SLC14A2: variants seen among roughly 807,000 people sequenced by gnomAD.
SLC14A2 encodes the protein solute carrier family 14 member 2, also known as urea transporter 2.
Under a neutral mutation model 104.6 loss-of-function variants are expected in SLC14A2, and 91 were observed. The ratio of observed to expected loss-of-function variants is 0.87; its 90% confidence interval spans 0.73 to 1.04. The LOEUF (loss-of-function observed/expected upper bound fraction) is 1.04. Among genes scored for constraint, SLC14A2 ranks in the 50% least tolerant of loss-of-function variants. The pLI, the probability that SLC14A2 is intolerant of heterozygous loss-of-function variation, is 0.00. For synonymous variants in SLC14A2, 476 were observed against 466.4 expected, an observed-to-expected ratio of 1.02 and a Z score of -0.27; for missense variants, 1,189 against 1,156.0, an observed-to-expected ratio of 1.03 and a Z score of -0.41.
intron 2 of SLC14A2, among the ~76,000 whole-genome samples, chr18:45,498,742 AAG>A (rs530968244): frequency 4.6e-5 from 7 of 152,114 alleles, no homozygotes; most frequent in African/African-American, 7.2e-5. Context: ...GAAAGAAAAA[AAG>A]AGAGAGAGAA....
intron 2 of SLC14A2, among the ~76,000 whole-genome samples, chr18:45,557,306 C>T (rs1167939356): frequency 6.6e-6 from 1 of 152,208 alleles, no homozygotes; most frequent in Non-Finnish European, 1.5e-5. Context: ...AATAGGTTCC[C>T]TCTAGTCCCT....
At chr18:45,200,553 G>C in the SLC14A2 span, among the ~76,000 whole-genome samples, 1 of 152,050 alleles carries the variant, frequency 6.6e-6, no homozygotes. Flanking sequence ...TTCTACCATA[G>C]AATTTGTTTT....
chr18:45,537,572 A>G (rs1411527191), intron 2 of SLC14A2, among the ~76,000 whole-genome samples: 4 of 152,220 alleles, frequency 2.6e-5, no homozygotes, highest in Non-Finnish European at 4.4e-5. Context: ...AGAGAGGAAC[A>G]GAAGACAGCT....
intron 1 of SLC14A2, among the ~76,000 whole-genome samples, chr18:45,381,801 C>A (rs1041467881): frequency 3.3e-5 from 5 of 152,074 alleles, no homozygotes; most frequent in Non-Finnish European, 7.4e-5. Context: ...CCACAGCCTG[C>A]AAATGAGACA....
rs1478320362 is a variant in SLC14A2 at position 45,673,701 on chromosome 18, C to T, written c.2396C>T (p.Pro799Leu). The change falls in exon 18 of 20, where the codon CCC becomes CTC. Residue 799 changes from proline to leucine, a missense_variant. Physicochemically the swap from Pro to Leu is moderately conservative, Grantham distance 98. Transcript: ENST00000255226. ...GMLAALTIAT[P>L]FDSIYFGLCG... ...GTCACAGCACTCACTATTGCGACGC[C>T]CTTTGACTCCATCTACTTCGGCCTG... The T allele has an allele frequency of 1.9e-6, 3 of 1,614,104 alleles. No individual in the cohort carries two copies. Among genetic ancestry groups the T allele is most frequent in the Non-Finnish European group, 1.7e-6 (2 of 1,179,978 alleles).
chr18:45,618,130 C>T (rs2045102730), intron 1 of SLC14A2, among the ~76,000 whole-genome samples: 1 of 152,102 alleles, frequency 6.6e-6, no homozygotes, highest in African/African-American at 2.4e-5. Context: ...ACCAACCTGC[C>T]TCATGGGAAA....
intron 1 of SLC14A2, among the ~76,000 whole-genome samples, chr18:45,369,429 G>C (rs906409129): frequency 6.6e-6 from 1 of 152,132 alleles, no homozygotes; most frequent in African/African-American, 2.4e-5. Context: ...AGGTTATTAG[G>C]AAAATGTAGG....
At chr18:45,667,380 GT>G (rs1227084675) in intron 13 of SLC14A2, among the ~76,000 whole-genome samples, 1 of 152,190 alleles carries the variant, frequency 6.6e-6, no homozygotes, top group Non-Finnish European at 1.5e-5. Flanking sequence ...GCAGACAGGT[GT>G]TTTTCGCATT....
At position 45,519,139 on chromosome 18, in the gene SLC14A2, A is replaced by G. The variant is rs191498545; in HGVS notation, c.-35+35817A>G. On this transcript the variant is annotated intron_variant, in intron 2 of 20. Coordinates refer to the SLC14A2 transcript ENST00000586448. ...AATCATTTTAAAAAATCCTCCAAAA[A>G]GCCAAGAGTAATACTAAGAAAATAA... Among the ~76,000 whole-genome samples the G allele has an allele frequency of 8.3e-4, 126 of 152,364 alleles. 1 individual carries two copies. Among genetic ancestry groups the G allele is most frequent in the African/African-American group, 2.9e-3 (119 of 41,588 alleles).
At chr18:45,341,595 CTTTTTTTTTTT>C (rs376534367) in intron 1 of SLC14A2, among the ~76,000 whole-genome samples, 1 of 83,154 alleles carries the variant, frequency 1.2e-5, no homozygotes, top group Non-Finnish European at 2.3e-5. Flanking sequence ...TCTAGTATTA[CTTTTTTTTTTT>C]TTTTTTTTTT....
At chr18:45,372,562 G>A (rs1327537282) in intron 1 of SLC14A2, among the ~76,000 whole-genome samples, 4 of 152,138 alleles carry the variant, frequency 2.6e-5, no homozygotes, top group Non-Finnish European at 5.9e-5. Context: ...ACACAGAGTC[G>A]CTGGTAGAGG....
At position 45,294,025 on chromosome 18, in the gene SLC14A2, C is replaced by T. The variant is rs73952840; in HGVS notation, c.-125+80834C>T. 4.9e-3 allele frequency among the ~76,000 whole-genome samples: 747 copies of T among 152,248 alleles called. 7 individuals carry two copies. Among genetic ancestry groups the T allele is most frequent in the Middle Eastern group, 0.017 (5 of 294 alleles). On this transcript the variant is annotated intron_variant, in intron 1 of 20. Coordinates refer to the SLC14A2 transcript ENST00000586448. ...TGGGTGGGATCAAGGGAAGAGTTCA[C>T]GGTATCCATCACTTTTGGGGAAAAA...
intron 2 of SLC14A2, chr18:45,528,382 TCA>T (rs2043629839): frequency 6.6e-6 from 1 of 152,070 alleles, no homozygotes; most frequent in East Asian, 1.9e-4. Flanking sequence ...AGAAAAAGAC[TCA>T]CTGACATCCT....
intron 2 of SLC14A2, among the ~76,000 whole-genome samples, chr18:45,491,507 C>T (rs756285054): frequency 9.2e-5 from 14 of 151,834 alleles, no homozygotes; most frequent in Admixed American, 3.9e-4. Flanking sequence ...AAAAAGGGTG[C>T]GATAGTACCT....
chr18:45,383,647 C>A (rs1406032353), intron 1 of SLC14A2, among the ~76,000 whole-genome samples: 4 of 152,192 alleles, frequency 2.6e-5, no homozygotes, highest in African/African-American at 9.7e-5. Flanking sequence ...GTTCCCCTCA[C>A]AGGCCTCCAG....
At chr18:45,378,231 G>T (rs919808377) in intron 1 of SLC14A2, among the ~76,000 whole-genome samples, 4 of 150,302 alleles carry the variant, frequency 2.7e-5, no homozygotes, top group Admixed American at 6.6e-5. Context: ...TAGTGTAAAG[G>T]CTCCTATTAA....
At chr18:45,563,491 A>T (rs1021565839) in intron 2 of SLC14A2, among the ~76,000 whole-genome samples, 1 of 152,252 alleles carries the variant, frequency 6.6e-6, no homozygotes, top group African/African-American at 2.4e-5. Flanking sequence ...AACAAATTAC[A>T]CATTTTAAAA....
At chr18:45,501,924 G>A (rs531993002) in intron 2 of SLC14A2, among the ~76,000 whole-genome samples, 6 of 152,304 alleles carry the variant, frequency 3.9e-5, no homozygotes, top group African/African-American at 1.4e-4. Context: ...TCTTATCCTT[G>A]GATGTGATAT....
At chr18:45,485,741 T>C (rs2087590933) in intron 2 of SLC14A2, among the ~76,000 whole-genome samples, 1 of 152,196 alleles carries the variant, frequency 6.6e-6, no homozygotes, top group Admixed American at 6.5e-5. Flanking sequence ...CCAGTGACTT[T>C]TTTTTTTGTT....
Sources: allele counts gnomAD v4.1 joint callset (sites outside exome capture counted in the v4.1 genomes callset), GRCh38; gene constraint gnomAD v4.1.1; transcripts MANE v1.5; gene names NCBI Gene and HGNC (gene_info 2026-07-23, HGNC 2026-07-21).